CSMD1: variants seen among roughly 807,000 people sequenced by gnomAD.
CSMD1 encodes CUB and Sushi multiple domains 1, also known as CUB and sushi domain-containing protein 1.
Under a neutral mutation model 417.5 loss-of-function variants are expected in CSMD1, and 213 were observed. That is an observed-to-expected ratio of 0.51 (90% CI 0.46 to 0.57). The LOEUF (loss-of-function observed/expected upper bound fraction) is 0.57, where lower values mean the gene tolerates loss of function less well. Among genes scored for constraint, CSMD1 ranks in the 20% least tolerant of loss-of-function variants. The pLI is 0.00. For missense variants in CSMD1, 6,923 were observed against 4,529.7 expected, an observed-to-expected ratio of 1.53 and a Z score of -15.17; for synonymous variants, 2,862 against 1,736.8, an observed-to-expected ratio of 1.65 and a Z score of -16.11.
At chr8:4,467,932 T>C (rs535891625) in intron 2 of CSMD1, among the ~76,000 whole-genome samples, 3 of 152,260 alleles carry the variant, frequency 2.0e-5, no homozygotes, top group African/African-American at 7.2e-5. Context: ...TGGAATTCCA[T>C]TCCTGAACTA....
intron 3 of CSMD1, among the ~76,000 whole-genome samples, chr8:4,283,688 GT>G (rs1276448963): frequency 4.6e-5 from 7 of 152,202 alleles, no homozygotes; most frequent in African/African-American, 1.7e-4. Context: ...ATTCACTTAG[GT>G]TTTTGAGAAG....
chr8:4,209,751 C>G (rs13280295), intron 3 of CSMD1, among the ~76,000 whole-genome samples: 6 of 152,126 alleles, frequency 3.9e-5, no homozygotes. Flanking sequence ...CCTAGCACAG[C>G]AGGACTACAC....
At chr8:4,222,822 A>G (rs1229938896) in intron 3 of CSMD1, among the ~76,000 whole-genome samples, 2 of 152,286 alleles carry the variant, frequency 1.3e-5, no homozygotes, top group African/African-American at 4.8e-5. Context: ...ATTTTGCCAG[A>G]CTAAGAGTCG....
chr8:4,084,656 T>C (rs1800324502), intron 3 of CSMD1, among the ~76,000 whole-genome samples: 2 of 152,088 alleles, frequency 1.3e-5, no homozygotes, highest in African/African-American at 2.4e-5. Context: ...GGCACAACAT[T>C]AGCAAGACCA....
In CSMD1 at chr8:3,972,804, G is replaced by T. The variant is rs983520277; in HGVS notation, c.818+25099C>A. ...GCACATTTTAGGAATCTATTTTATG[G>T]GAATAATTTTGGATATTCACACATA... On this transcript the variant is annotated intron_variant, in intron 5 of 69. Coordinates refer to ENST00000635120, the MANE Select transcript of CSMD1 (RefSeq NM_033225.6). Among the ~76,000 whole-genome samples the T allele has an allele frequency of 4.6e-5, 7 of 152,152 alleles. No individual in the cohort carries two copies. In the South Asian group the frequency reaches 1.0e-3, roughly 23 times the overall value.
At chr8:3,160,079 G>C (rs1222406587) in intron 38 of CSMD1, among the ~76,000 whole-genome samples, 4 of 152,162 alleles carry the variant, frequency 2.6e-5, no homozygotes, top group Non-Finnish European at 4.4e-5. Context: ...TACAGATTGA[G>C]GTGTCCCTCT....
chr8:2,964,585 C>T (rs1436848888), intron 59 of CSMD1, among the ~76,000 whole-genome samples: 1 of 152,226 alleles, frequency 6.6e-6, no homozygotes, highest in African/African-American at 2.4e-5. Flanking sequence ...TAAAAATCCA[C>T]AGAATTATGC....
chr8:4,828,617 C>A (rs1436248193), intron 1 of CSMD1, among the ~76,000 whole-genome samples: 1 of 152,128 alleles, frequency 6.6e-6, no homozygotes, highest in East Asian at 1.9e-4. Flanking sequence ...CATCTGGAAT[C>A]CCTTTCTTTA....
chr8:3,317,159 A>G (rs2406351), intron 23 of CSMD1, among the ~76,000 whole-genome samples: 12,678 of 152,266 alleles, frequency 0.083, 674 homozygotes, highest in Non-Finnish European at 0.12. Context: ...GAGAATCATC[A>G]GCATTGTTGT....
intron 5 of CSMD1, among the ~76,000 whole-genome samples, chr8:3,962,803 G>A (rs1261686175): frequency 6.6e-6 from 1 of 152,126 alleles, no homozygotes; most frequent in Non-Finnish European, 1.5e-5. Flanking sequence ...AAAACATTGA[G>A]GGCAATAAGT....
chr8:3,640,809 G>T (rs765333020), intron 7 of CSMD1, among the ~76,000 whole-genome samples: 8 of 152,042 alleles, frequency 5.3e-5, no homozygotes, highest in Non-Finnish European at 8.8e-5. Flanking sequence ...CAGAGGGATG[G>T]AAAGACCAGA....
At chr8:4,983,131 T>C (rs945575584) in intron 1 of CSMD1, among the ~76,000 whole-genome samples, 24 of 152,150 alleles carry the variant, frequency 1.6e-4, no homozygotes, top group African/African-American at 5.8e-4. Context: ...GAAACACAAT[T>C]GAATCAAATA....
At chr8:3,236,840 G>A (rs1799182457) in intron 26 of CSMD1, among the ~76,000 whole-genome samples, 1 of 151,986 alleles carries the variant, frequency 6.6e-6, no homozygotes, top group South Asian at 2.1e-4. Context: ...ATCCCTCAAC[G>A]ACCCTAGAAA....
At chr8:4,230,152 T>C (rs771197016) in intron 3 of CSMD1, among the ~76,000 whole-genome samples, 2 of 152,226 alleles carry the variant, frequency 1.3e-5, no homozygotes, top group African/African-American at 2.4e-5. Context: ...CATATTGCAG[T>C]GCTGGGTATG....
chr8:3,079,768 C>G (rs1438186167), intron 49 of CSMD1, among the ~76,000 whole-genome samples: 2 of 152,032 alleles, frequency 1.3e-5, no homozygotes, highest in Admixed American at 1.3e-4. Context: ...ATTTTGGAAT[C>G]TGAAAGACTG....
intron 10 of CSMD1, among the ~76,000 whole-genome samples, chr8:3,565,537 T>C (rs1799668778): frequency 6.6e-6 from 1 of 152,208 alleles, no homozygotes. Context: ...AACATAGGTT[T>C]CTATGTTAAC....
At chr8:4,991,054 G>T (rs1811438273) in intron 1 of CSMD1, among the ~76,000 whole-genome samples, 1 of 152,098 alleles carries the variant, frequency 6.6e-6, no homozygotes, top group Non-Finnish European at 1.5e-5. Context: ...CCTTTAGGAC[G>T]CTTTCTGGGT....
intron 1 of CSMD1, among the ~76,000 whole-genome samples, chr8:4,750,302 G>T (rs547158480): frequency 1.3e-5 from 2 of 152,082 alleles, no homozygotes; most frequent in Admixed American, 6.5e-5. Context: ...CACCATGCCC[G>T]GCCCTGACTT....
chr8:4,129,339 T>C (rs918519367), intron 3 of CSMD1, among the ~76,000 whole-genome samples: 110 of 152,284 alleles, frequency 7.2e-4, no homozygotes, highest in African/African-American at 2.2e-3. Context: ...AATTCATTTT[T>C]TGAACCTTCT....
Sources: gnomAD v4.1 joint callset for allele counts (sites outside exome capture counted in the v4.1 genomes callset) on GRCh38, gnomAD v4.1.1 for gene constraint, MANE v1.5 for transcripts, NCBI Gene and HGNC (gene_info 2026-07-23, HGNC 2026-07-21) for gene names.